RELA: variants seen among roughly 807,000 people sequenced by gnomAD.
RELA encodes RELA proto-oncogene, NF-kB subunit, also known as transcription factor p65.
Under a neutral mutation model 56.7 loss-of-function variants are expected in RELA, and 14 were observed. That is an observed-to-expected ratio of 0.25 (90% confidence interval 0.16 to 0.39). RELA has a LOEUF of 0.39. Among genes scored for constraint, RELA ranks in the 10% least tolerant of loss-of-function variants. RELA has a pLI of 1.00. For missense variants in RELA, 559 were observed against 736.4 expected (o/e 0.76, Z 2.79); for synonymous variants, 315 against 289.7 (o/e 1.09, Z -0.89).
intron 8 of RELA, among the ~76,000 whole-genome samples, chr11:65,657,077 G>C (rs1157702072): frequency 6.6e-6 from 1 of 152,006 alleles, no homozygotes; most frequent in Non-Finnish European, 1.5e-5. Context: ...GGTGGTCCAG[G>C]GACGATATGG....
At chr11:65,655,296 CTA>C in intron 10 of RELA, 1 of 565,126 alleles carries the variant, frequency 1.8e-6, no homozygotes, top group Non-Finnish European at 3.1e-6. Flanking sequence ...AGCTGAAAAA[CTA>C]AGTCCTGAGA....
At position 65,658,883 on chromosome 11, in the gene RELA, C is replaced by A. The variant is rs1856494900; in HGVS notation, c.560-61G>T. On this transcript the variant is annotated intron_variant, in intron 6 of 10. Coordinates refer to ENST00000406246, the MANE Select transcript of RELA (RefSeq NM_021975.4). The surrounding 1 kb of genome is among the most constrained non-coding windows in gnomAD (Gnocchi z 4.5). ...CACGAGAGGTCCCCAGGGTGGCCTG[C>A]AGGAGATGCAACTTCCCTGCCCAGC... 11 of 1,378,408 alleles carry A rather than the reference C, an allele frequency of 8.0e-6. No homozygotes were observed. The highest frequency in any genetic ancestry group is 1.1e-5 in the Non-Finnish European group (11 of 966,438). The allele number at this position is 1,378,408 out of a possible 1,614,324, so 85.4% of individuals were successfully genotyped here.
intron 3 of RELA, 22 bp from the exon 4 acceptor site, chr11:65,661,857 A>C (rs1251646935): frequency 1.2e-6 from 2 of 1,603,162 alleles, no homozygotes; most frequent in East Asian, 2.2e-5. Context: ...ACAGAGGCCC[A>C]GACATCCAAA....
At position 65,659,547 on chromosome 11, in the gene RELA, C is replaced by T. The variant is rs1469028654; in HGVS notation, c.559+119G>A. 3.1e-6 allele frequency: 4 copies of T among 1,307,296 alleles called. No homozygotes were observed. In the South Asian group the frequency reaches 3.8e-5, roughly 12 times the overall value. 81.0% of individuals were successfully genotyped at this position (1,307,296 alleles called of 1,614,324 possible). On this transcript the variant is annotated intron_variant, in intron 6 of 10. Coordinates refer to ENST00000406246, the MANE Select transcript of RELA (RefSeq NM_021975.4). ...AAAGAGCTGGGCAGAGAAGAGTAGA[C>T]AAATACGCAAGATGATTGAATGAAG...
chr11:65,657,576 T>A (rs925370426), intron 8 of RELA, among the ~76,000 whole-genome samples: 6 of 152,194 alleles, frequency 3.9e-5, no homozygotes, highest in African/African-American at 1.4e-4. Flanking sequence ...GGCCGTGCAG[T>A]TGCCAACACC....
chr11:65,662,138 C>A (rs1392071809), intron 2 of RELA, 41 bp downstream of exon 2: 15 of 1,595,714 alleles, frequency 9.4e-6, no homozygotes, highest in Non-Finnish European at 1.3e-5. Context: ...CACTGCCCTA[C>A]CCCAGGGAGC....
At chr11:65,660,494 CA>C (rs1481078777) in intron 4 of RELA, 3 of 422,810 alleles carry the variant, frequency 7.1e-6, no homozygotes, top group Non-Finnish European at 1.2e-5. Flanking sequence ...ATTCCCACCT[CA>C]AGGCCTTTGC....
chr11:65,662,923 C>T (rs551540298), upstream of RELA: 36 of 1,062,408 alleles, frequency 3.4e-5, no homozygotes, highest in Admixed American at 6.1e-4. Context: ...AAATGCGCCG[C>T]GCGGCCCGCC....
rs1020301640 is a variant in RELA, at chr11:65,654,080, ATGGG to A, written c.*294_*297del. On this transcript the variant is annotated 3_prime_UTR_variant, in exon 11 of 11. Transcript: ENST00000406246. ...GAGTACCAGAAGCTGGAGGATGGGG[ATGGG>A]GGACCCCAGAGTTCCCTACAGAGAA... 6.7e-6 allele frequency: 3 copies of A among 444,664 alleles called. No homozygotes were observed. Among genetic ancestry groups the A allele is most frequent in the Non-Finnish European group, 1.2e-5 (3 of 241,536 alleles). 27.5% of individuals were successfully genotyped at this position (444,664 alleles called of 1,614,324 possible). A position where few individuals can be genotyped will look rare whatever the true frequency, so the allele number is the denominator to read the frequency against.
chr11:65,661,898 C>G, intron 3 of RELA, 39 bp downstream of exon 3: 2 of 1,605,586 alleles, frequency 1.2e-6, no homozygotes, highest in Non-Finnish European at 1.7e-6. Context: ...GGCTGGGGTT[C>G]CACAGTCCCT....
chr11:65,660,070 C>CG, intron 5 of RELA, 54 bp downstream of exon 5: 1 of 1,535,542 alleles, frequency 6.5e-7, no homozygotes, highest in Non-Finnish European at 9.0e-7. Context: ...GCAGGAAAGG[C>CG]GGGCTGGGGA....
intron 4 of RELA, 60 bp from the exon 5 acceptor site, chr11:65,660,275 G>A: frequency 6.6e-7 from 1 of 1,508,410 alleles, no homozygotes. Context: ...TTCCTGCCTT[G>A]CCCAGCCTGC....
chr11:65,661,749 T>A lies in RELA; in HGVS notation c.273A>T (p.Val91=). Residue 91 remains valine, a synonymous_variant, in exon 4 of 11, where the codon GTA becomes GTT. Coordinates refer to ENST00000406246, the MANE Select transcript of RELA (RefSeq NM_021975.4). ...AGAAGCCATCCCGGCAGTCCTTTCC[T>A]ACAAGCTCGTGGGGGTGAGGCCGGT... is the stretch of plus-strand genomic sequence containing the variant. ...PPHRPHPHEL[V]GKDCRDGFYE... is the part of the protein sequence containing the mutation. The A allele has an allele frequency of 6.2e-7, 1 of 1,613,780 alleles. No homozygotes were observed. The highest frequency in any genetic ancestry group is 8.5e-7 in the Non-Finnish European group (1 of 1,179,854).
chr11:65,657,005 G>A (rs181700232), intron 8 of RELA, among the ~76,000 whole-genome samples: 7 of 146,934 alleles, frequency 4.8e-5, no homozygotes, highest in East Asian at 4.0e-4. Flanking sequence ...CAGCCTGGGC[G>A]ACAAGAGTGA....
At chr11:65,661,351 C>T (rs1856561604) in intron 4 of RELA, 2 of 231,426 alleles carry the variant, frequency 8.6e-6, no homozygotes, top group African/African-American at 4.5e-5. Context: ...CAGCCTGTCT[C>T]TGTCAACTGC....
Position 65,658,331 on chromosome 11 carries a change from C to G in RELA, c.833G>C (p.Arg278Pro). The G allele has an allele frequency of 6.2e-7, 1 of 1,611,284 alleles. No individual in the cohort carries two copies. Among genetic ancestry groups the G allele is most frequent in the Non-Finnish European group, 8.5e-7 (1 of 1,179,120 alleles). ...GAATTCCATGGGCTCACTGAGCTCCCGGTCGGAAGGCCGCCGCAGCTGCAT... is the reference window on the plus strand; with the variant it reads ...GAATTCCATGGGCTCACTGAGCTCCGGGTCGGAAGGCCGCCGCAGCTGCAT... ...VSMQLRRPSD[R>P]ELSEPMEFQY... Residue 278 changes from arginine (R) to proline (P), a missense_variant, in exon 8 of 11, where the codon CGG (arginine) becomes CCG (proline). Transcript: ENST00000406246. The surrounding 1 kb of genome is among the most constrained non-coding windows in gnomAD (Gnocchi z 4.5).
In RELA at chr11:65,658,429, G is replaced by A. The variant is rs761933613; in HGVS notation, c.735C>T (p.His245=). 4.3e-6 allele frequency: 7 copies of A among 1,613,504 alleles called. No homozygotes were observed. In the Admixed American group the frequency reaches 1.0e-4, roughly 23 times the overall value. ...ARGSFSQADV[H]RQVAIVFRTP... is the part of the protein sequence containing the mutation. ...TCCGGAACACAATGGCCACTTGTCG[G>A]TGCACATCAGCTTGCGAAAAGGAGC... Residue 245 remains histidine (H), a synonymous_variant, in exon 8 of 11, where the codon CAC becomes CAT. Transcript: ENST00000406246. This position sits in a 1 kb window ranked among gnomAD's most constrained non-coding sequence, Gnocchi z 4.5.
At chr11:65,657,008 A>G (rs956869818) in intron 8 of RELA, among the ~76,000 whole-genome samples, 1 of 144,274 alleles carries the variant, frequency 6.9e-6, no homozygotes, top group Admixed American at 7.1e-5. Context: ...CCTGGGCGAC[A>G]AGAGTGAGAC....
At chr11:65,660,529 T>C in intron 4 of RELA, 1 of 372,500 alleles carries the variant, frequency 2.7e-6, no homozygotes, top group Non-Finnish European at 4.9e-6. Flanking sequence ...GCTTGGAATG[T>C]TCTTTTCCTA....
Sources: allele counts gnomAD v4.1 joint callset (sites outside exome capture counted in the v4.1 genomes callset), GRCh38; gene constraint gnomAD v4.1.1; non-coding constraint Gnocchi (gnomAD v3.1); transcripts MANE v1.5; gene names NCBI Gene and HGNC (gene_info 2026-07-23, HGNC 2026-07-21).